The following PRORP variants were observed in gnomAD, a reference collection of about 807,000 sequenced individuals.
The protein encoded by PRORP is mitochondrial ribonuclease P catalytic subunit.
A neutral mutation model predicts 59.4 loss-of-function variants in PRORP; 51 were observed. The ratio of observed to expected loss-of-function variants is 0.86; its 90% CI spans 0.69 to 1.08. The LOEUF (loss-of-function observed/expected upper bound fraction) is 1.08, where lower values mean the gene tolerates loss of function less well. PRORP is among the 50% of genes least tolerant of loss of function. PRORP has a pLI of 0.00. For synonymous variants in PRORP, 231 were observed against 245.6 expected, an observed-to-expected ratio of 0.94 and a Z score of 0.55; for missense variants, 646 against 690.3, an observed-to-expected ratio of 0.94 and a Z score of 0.72.
chr14:35,141,111 A>G lies in PRORP; in HGVS notation c.1167+13500A>G, dbSNP rs923788666. On this transcript the variant is annotated intron_variant, in intron 4 of 7. Coordinates refer to ENST00000534898, the MANE Select transcript of PRORP (RefSeq NM_014672.4). ...GCAGAATTCCAAATAATTTGCATCT[A>G]CTGATTTAACTACTGACACTAATTG... 4.8e-5 allele frequency among the ~76,000 whole-genome samples: 7 copies of G among 145,986 alleles called. 3 individuals are homozygous for G. The East Asian group carries it at 9.1e-4, about 19-fold the overall frequency.
At chr14:35,238,810 G>C (rs1191351384) in intron 5 of PRORP, among the ~76,000 whole-genome samples, 1 of 152,174 alleles carries the variant, frequency 6.6e-6, no homozygotes, top group African/African-American at 2.4e-5. Flanking sequence ...TGCTTAAGCA[G>C]TCCTATGAAG....
At chr14:35,217,824 C>T (rs892167024) in intron 5 of PRORP, among the ~76,000 whole-genome samples, 1 of 152,024 alleles carries the variant, frequency 6.6e-6, no homozygotes, top group Non-Finnish European at 1.5e-5. Context: ...ATGCCAGTAC[C>T]ACACAGTCTT....
chr14:35,187,413 T>A (rs2048766753), intron 5 of PRORP, among the ~76,000 whole-genome samples: 1 of 146,830 alleles, frequency 6.8e-6, no homozygotes, highest in Non-Finnish European at 1.5e-5. Context: ...GGACCTGGTA[T>A]ATTGTAGTTT....
chr14:35,130,245 G>T (rs972060740), intron 4 of PRORP, among the ~76,000 whole-genome samples: 1 of 151,882 alleles, frequency 6.6e-6, no homozygotes, highest in Admixed American at 6.6e-5. Flanking sequence ...TGTTAACCAG[G>T]ATGGTCTTGA....
At position 35,134,028 on chromosome 14, in the gene PRORP, T is replaced by C. The variant is rs537688823; in HGVS notation, c.1167+6417T>C. 1.6e-4 allele frequency among the ~76,000 whole-genome samples: 24 copies of C among 152,282 alleles called. No individual in the cohort carries two copies. The South Asian group carries it at 4.3e-3, about 28-fold the overall frequency. The stretch of plus-strand genomic sequence containing the variant: ...GGCCCTGGGGCACTACAATCAGCAG[T>C]TGGTAAAGCCAGCCAGGCCTGTGTT... On this transcript the variant is annotated intron_variant, in intron 4 of 7. Coordinates refer to ENST00000534898, the MANE Select transcript of PRORP (RefSeq NM_014672.4).
intron 5 of PRORP, among the ~76,000 whole-genome samples, chr14:35,261,631 A>G (rs1392359091): frequency 6.6e-6 from 1 of 151,894 alleles, no homozygotes. Context: ...CAGGAGATTG[A>G]GGCAGGAGAA....
intron 5 of PRORP, among the ~76,000 whole-genome samples, chr14:35,241,712 C>G (rs887842551): frequency 6.6e-6 from 1 of 152,174 alleles, no homozygotes; most frequent in African/African-American, 2.4e-5. Context: ...ACCTCCCAGC[C>G]TCGACTCACC....
At chr14:35,233,749 C>A (rs772279329) in intron 5 of PRORP, among the ~76,000 whole-genome samples, 2 of 151,420 alleles carry the variant, frequency 1.3e-5, no homozygotes, top group Non-Finnish European at 2.9e-5. Context: ...GTTCACATTT[C>A]TTTTCCCTTA....
rs1462156357 is a variant in PRORP, at chr14:35,262,514, C to T, written c.1276-4213C>T. ...AACATTCCAGAAAATGGTGACATTA[C>T]TCTGAAGGGACACACAGTTACTGTG... On this transcript the variant is annotated intron_variant, in intron 5 of 7. Transcript: ENST00000534898. The T allele has an allele frequency of 5.1e-6, 3 of 588,740 alleles. No homozygotes were observed. The South Asian group carries it at 5.1e-5, about 10-fold the overall frequency. The allele number at this position is 588,740 out of a possible 1,614,324, so 36.5% of individuals were successfully genotyped here.
At chr14:35,259,340 A>C (rs1200762063) in intron 5 of PRORP, among the ~76,000 whole-genome samples, 1 of 151,944 alleles carries the variant, frequency 6.6e-6, no homozygotes, top group Non-Finnish European at 1.5e-5. Context: ...CTATTTGATT[A>C]TATTTGAAGT....
intron 4 of PRORP, among the ~76,000 whole-genome samples, chr14:35,156,959 C>CTTTTTTTTTTTTT (rs11370871): frequency 2.2e-5 from 3 of 137,036 alleles, no homozygotes; most frequent in Non-Finnish European, 3.1e-5. Flanking sequence ...TTTTTCTTTT[C>CTTTTTTTTTTTTT]TTTTTTTTTT....
chr14:35,128,132 TA>T (rs1246337294), intron 4 of PRORP, among the ~76,000 whole-genome samples: 1 of 152,220 alleles, frequency 6.6e-6, no homozygotes, highest in African/African-American at 2.4e-5. Context: ...GATTTGTGTA[TA>T]TTGAACCATC....
At position 35,146,782 on chromosome 14, in the gene PRORP, A is replaced by G. The variant is rs376781413; in HGVS notation, c.1167+19171A>G. Among the ~76,000 whole-genome samples, 37 of 152,272 alleles carry G rather than the reference A, an allele frequency of 2.4e-4. No individual in the cohort carries two copies. The East Asian group carries it at 6.7e-3, about 28-fold the overall frequency. On this transcript the variant is annotated intron_variant, in intron 4 of 7. Transcript: ENST00000534898. ...AGTGAGTCACACAAATTTTTTGGTTACCCAGGTCGTATAAAAGTTATCTTT... is the reference window on the plus strand; with the variant it reads ...AGTGAGTCACACAAATTTTTTGGTTGCCCAGGTCGTATAAAAGTTATCTTT...
rs564289264 is a variant in PRORP, at chr14:35,178,040, T to C, written c.1168-2630T>C. 2.0e-5 allele frequency among the ~76,000 whole-genome samples: 3 copies of C among 152,328 alleles called. No individual in the cohort carries two copies. In the South Asian group the frequency reaches 6.2e-4, roughly 32 times the overall value. On this transcript the variant is annotated intron_variant, in intron 4 of 7. Transcript: ENST00000534898. Reference sequence around the variant, plus strand: ...TCAGGAGCAGGTTGTTCAATTTCCATGTAGTTGAGCGGTTGAGTGAGTTTC... The same window carrying C: ...TCAGGAGCAGGTTGTTCAATTTCCACGTAGTTGAGCGGTTGAGTGAGTTTC...
intron 5 of PRORP, among the ~76,000 whole-genome samples, chr14:35,253,219 A>G (rs1450632671): frequency 6.6e-6 from 1 of 151,920 alleles, no homozygotes; most frequent in Non-Finnish European, 1.5e-5. Context: ...CTATAGTCCC[A>G]GCTACTCAGG....
intron 5 of PRORP, among the ~76,000 whole-genome samples, chr14:35,191,028 T>G (rs2048869831): frequency 6.6e-6 from 1 of 152,236 alleles, no homozygotes; most frequent in Non-Finnish European, 1.5e-5. Context: ...ACATGTTATT[T>G]GGACTCTTAC....
intron 4 of PRORP, 46 bp downstream of exon 4, chr14:35,127,657 CA>C (rs761383802): frequency 6.2e-7 from 1 of 1,604,820 alleles, no homozygotes; most frequent in South Asian, 1.1e-5. Context: ...TTGTCTAGAG[CA>C]GGGGTTAGCA....
At chr14:35,130,417 T>G (rs2047210451) in intron 4 of PRORP, among the ~76,000 whole-genome samples, 3 of 152,174 alleles carry the variant, frequency 2.0e-5, no homozygotes, top group Admixed American at 2.0e-4. Flanking sequence ...TGTCTTTTTG[T>G]GTACTTATTA....
At chr14:35,209,083 A>G (rs1204068839) in intron 5 of PRORP, among the ~76,000 whole-genome samples, 1 of 151,784 alleles carries the variant, frequency 6.6e-6, no homozygotes, top group Admixed American at 6.6e-5. Flanking sequence ...TTAGCCAGAC[A>G]TGCTCACTTG....
Sources: gnomAD v4.1 joint callset for allele counts (sites outside exome capture counted in the v4.1 genomes callset) on GRCh38, gnomAD v4.1.1 for gene constraint, MANE v1.5 for transcripts, NCBI Gene and HGNC (gene_info 2026-07-23, HGNC 2026-07-21) for gene names.